Variants in DLGAP3 observed in about 807,000 individuals in gnomAD.
The protein encoded by DLGAP3 is disks large-associated protein 3.
DLGAP3 carries 17 observed loss-of-function variants against 81.2 expected under a neutral mutation model. The observed-to-expected ratio is 0.21, with a 90% confidence interval of 0.14 to 0.31. DLGAP3 has a LOEUF of 0.31. Ranked by LOEUF, DLGAP3 falls within the 10% of genes least tolerant of loss-of-function variation. The pLI is 1.00. For missense variants in DLGAP3, 1,124 were observed against 1,388.0 expected (o/e 0.81, Z 3.02); for synonymous variants, 577 against 587.4 (o/e 0.98, Z 0.26).
At chr1:34,907,618 A>G (rs1639575779) in intron 1 of DLGAP3, among the ~76,000 whole-genome samples, 181 bp from the exon 2 acceptor site, 1 of 152,192 alleles carries the variant, frequency 6.6e-6, no homozygotes, top group Non-Finnish European at 1.5e-5. Context: ...TCATTATGCA[A>G]ATACATTCAA....
At chr1:34,885,859 C>A in intron 6 of DLGAP3, 68 bp from the exon 7 acceptor site, 1 of 1,301,262 alleles carries the variant, frequency 7.7e-7, no homozygotes, top group Non-Finnish European at 1.0e-6. Context: ...TGGGCCCGCG[C>A]CCGACTCCCA....
chr1:34,890,848 A>T (rs1187908128), intron 5 of DLGAP3, among the ~76,000 whole-genome samples: 1 of 152,234 alleles, frequency 6.6e-6, no homozygotes, highest in Non-Finnish European at 1.5e-5. Context: ...TGAGATAATA[A>T]ATATTTGTTG....
At position 34,900,934 on chromosome 1, in the gene DLGAP3, C is replaced by T. The variant is rs1029740749; in HGVS notation, c.1108-661G>A. Among the ~76,000 whole-genome samples, 4 of 151,812 alleles carry T rather than the reference C, an allele frequency of 2.6e-5. No individual in the cohort carries two copies. The highest frequency in any genetic ancestry group is 7.3e-5 in the African/African-American group (3 of 41,308). The stretch of plus-strand genomic sequence containing the variant: ...AGAGGTGTTAAGGAGCATCAGTGAG[C>T]CTGATTAGACGTGGGGGATGAGGGG... On this transcript the variant is annotated intron_variant, in intron 3 of 11. Coordinates refer to ENST00000373347, the MANE Select transcript of DLGAP3 (RefSeq NM_001080418.3). The surrounding 1 kb of genome is among the most constrained non-coding windows in gnomAD (Gnocchi z 5.6).
intron 8 of DLGAP3, among the ~76,000 whole-genome samples, chr1:34,870,572 C>A (rs904702917): frequency 6.6e-6 from 1 of 152,200 alleles, no homozygotes; most frequent in African/African-American, 2.4e-5. Context: ...CCATAGAAAC[C>A]AGGCCCAGAA....
rs1296802841 is a variant in DLGAP3, at chr1:34,900,307, G to A, written c.1108-34C>T. The A allele has an allele frequency of 6.2e-7, 1 of 1,602,834 alleles. No homozygotes were observed. The highest frequency in any genetic ancestry group is 1.7e-5 in the Admixed American group (1 of 60,010). On this transcript the variant is annotated intron_variant, in intron 3 of 11. Coordinates refer to ENST00000373347, the MANE Select transcript of DLGAP3 (RefSeq NM_001080418.3). This position sits in a 1 kb window ranked among gnomAD's most constrained non-coding sequence, Gnocchi z 5.6. Reference sequence around the variant, plus strand: ...ACAGGGGTCTCTGTCTCTCAGACATGACCCTAGTAAATCTAGAGGCCAGGA... The same window carrying A: ...ACAGGGGTCTCTGTCTCTCAGACATAACCCTAGTAAATCTAGAGGCCAGGA...
chr1:34,906,673 C>T (rs145780480), intron 2 of DLGAP3, among the ~76,000 whole-genome samples: 133 of 152,288 alleles, frequency 8.7e-4, no homozygotes, highest in African/African-American at 3.1e-3. Context: ...AGAAGAACAG[C>T]GGCTACACAC....
At chr1:34,918,296 C>T (rs906687007) in intron 1 of DLGAP3, among the ~76,000 whole-genome samples, 15 of 152,220 alleles carry the variant, frequency 9.9e-5, no homozygotes, top group African/African-American at 3.6e-4. Flanking sequence ...TGCCTCACCT[C>T]GAGGTGTGCC....
Position 34,904,992 on chromosome 1 carries a change from A to G in DLGAP3, c.392T>C (p.Val131Ala), listed in dbSNP as rs141873731. The G allele has an allele frequency of 6.2e-7, 1 of 1,612,774 alleles. No homozygotes were observed. The highest frequency in any genetic ancestry group is 1.3e-5 in the African/African-American group (1 of 74,882). ...TAGTGTGTGGAAGCCATCTTGTTGA[A>G]CTGGCAACTGCTTTTCAAACTGATC... ...LLDQFEKQLP[V>A]QQDGFHTLPY... The change falls in exon 3 of 12, where the codon GTT becomes GCT. Residue 131 changes from valine (V) to alanine (A), a missense_variant. By Grantham distance (64) the Val-to-Ala change is moderately conservative. Around this residue, in one of 9 missense-constraint regions of DLGAP3, gnomAD observed 4 missense variants for 18.7 expected, o/e 0.21. Transcript: ENST00000373347. The surrounding 1 kb of genome is among the most constrained non-coding windows in gnomAD (Gnocchi z 8.1).
chr1:34,908,647 G>A lies in DLGAP3; in HGVS notation c.-134-1210C>T, dbSNP rs577013084. Among the ~76,000 whole-genome samples, 11 of 152,276 alleles carry A rather than the reference G, an allele frequency of 7.2e-5. No homozygotes were observed. The South Asian group carries it at 2.3e-3, about 32-fold the overall frequency. ...CTTTGCAAGCGTGATTAATAGTAGTGGAAGAGGCACAGTCAGACATCAGGA... is the reference window on the plus strand; with the variant it reads ...CTTTGCAAGCGTGATTAATAGTAGTAGAAGAGGCACAGTCAGACATCAGGA... On this transcript the variant is annotated intron_variant, in intron 1 of 11. Transcript: ENST00000373347.
At chr1:34,898,154 G>T (rs1386355403) in intron 5 of DLGAP3, among the ~76,000 whole-genome samples, 1 of 152,190 alleles carries the variant, frequency 6.6e-6, no homozygotes, top group African/African-American at 2.4e-5. Context: ...TATACATTTG[G>T]TAGTCATCAG....
intron 1 of DLGAP3, among the ~76,000 whole-genome samples, chr1:34,928,967 ACACT>A (rs541773838): frequency 6.0e-4 from 91 of 151,920 alleles, no homozygotes; most frequent in Middle Eastern, 3.4e-3. Context: ...ACACACGCAC[ACACT>A]CACGGCATAC....
At chr1:34,903,959 C>T (rs1639502239) in intron 3 of DLGAP3, among the ~76,000 whole-genome samples, 1 of 152,248 alleles carries the variant, frequency 6.6e-6, no homozygotes, top group South Asian at 2.1e-4. Flanking sequence ...ATCCTGTCTA[C>T]TGCCTGCCCT....
At chr1:34,891,599 G>C (rs1639312391) in intron 5 of DLGAP3, among the ~76,000 whole-genome samples, 1 of 152,228 alleles carries the variant, frequency 6.6e-6, no homozygotes, top group Non-Finnish European at 1.5e-5. Flanking sequence ...TATGTGTGCA[G>C]GGGAAATAAA....
At chr1:34,881,504 T>TA (rs1364399852) in intron 8 of DLGAP3, among the ~76,000 whole-genome samples, 1 of 152,174 alleles carries the variant, frequency 6.6e-6, no homozygotes, top group Non-Finnish European at 1.5e-5. Context: ...CAGACATGAC[T>TA]GGGGGAGCTT....
Position 34,904,328 on chromosome 1 carries a change from C to A in DLGAP3, c.1056G>T (p.Gly352=), listed in dbSNP as rs372415552. 1.9e-6 allele frequency: 3 copies of A among 1,610,660 alleles called. No individual in the cohort carries two copies. The highest frequency in any genetic ancestry group is 2.5e-6 in the Non-Finnish European group (3 of 1,180,028). The part of the protein sequence containing the change: ...DGYPGAGPGK[G]LLGPETKAKA... ...TGGCCTTGGTCTCCGGACCCAGGAG[C>A]CCCTTGCCTGGCCCGGCCCCCGGGT... The change falls in exon 3 of 12, where the codon GGG becomes GGT. Residue 352 remains glycine, a synonymous_variant. Coordinates refer to ENST00000373347, the MANE Select transcript of DLGAP3 (RefSeq NM_001080418.3). This position sits in a 1 kb window ranked among gnomAD's most constrained non-coding sequence, Gnocchi z 8.1.
chr1:34,926,693 AAAAC>A (rs1214112138), intron 1 of DLGAP3, among the ~76,000 whole-genome samples: 8 of 152,122 alleles, frequency 5.3e-5, no homozygotes, highest in Non-Finnish European at 1.2e-4. Context: ...AAAAAACTAA[AAAAC>A]AACCAAATAC....
chr1:34,884,812 T>C (rs1481198450), intron 8 of DLGAP3, among the ~76,000 whole-genome samples, 166 bp downstream of exon 8: 1 of 152,156 alleles, frequency 6.6e-6, no homozygotes, highest in Non-Finnish European at 1.5e-5. Flanking sequence ...TGGTGACATC[T>C]CTATGGAACA....
At chr1:34,905,655 A>G (rs1376662589) in intron 2 of DLGAP3, among the ~76,000 whole-genome samples, 1 of 152,158 alleles carries the variant, frequency 6.6e-6, no homozygotes, top group Non-Finnish European at 1.5e-5. Context: ...GAATACTGCA[A>G]ATCTGATAAA....
chr1:34,874,681 C>T (rs1639023753), intron 8 of DLGAP3, among the ~76,000 whole-genome samples: 1 of 152,110 alleles, frequency 6.6e-6, no homozygotes, highest in Non-Finnish European at 1.5e-5. Context: ...GGGAGAGTTT[C>T]TACTGTGATT....
Sources: gnomAD v4.1 joint callset for allele counts (sites outside exome capture counted in the v4.1 genomes callset) on GRCh38, gnomAD v4.1.1 for gene constraint, gnomAD v4.1.1 regional missense constraint, Gnocchi (gnomAD v3.1) non-coding constraint, MANE v1.5 for transcripts, NCBI Gene and HGNC (gene_info 2026-07-23, HGNC 2026-07-21) for gene names.